Variants in ADPRHL1 observed in about 807,000 individuals in gnomAD.
ADPRHL1 encodes ADP-ribosylhydrolase like 1.
In ADPRHL1, 43 loss-of-function variants were observed where a neutral mutation model predicts 44.1. The observed-to-expected ratio is 0.98, with a 90% CI of 0.76 to 1.26. The LOEUF is 1.26. Ranked by LOEUF, ADPRHL1 falls within the 50% of genes most tolerant of loss-of-function variation. ADPRHL1 has a pLI of 0.00. For synonymous variants in ADPRHL1, 878 were observed against 1,017.4 expected, an observed-to-expected ratio of 0.86 and a Z score of 2.61; for missense variants, 2,022 against 2,496.9, an observed-to-expected ratio of 0.81 and a Z score of 4.05.
chr13:113,444,121 C>T (rs1399334428), intron 2 of ADPRHL1, among the ~76,000 whole-genome samples: 4 of 152,040 alleles, frequency 2.6e-5, no homozygotes, highest in South Asian at 2.1e-4. Context: ...GGCCCCTGCC[C>T]GTATTCCTTA....
chr13:113,445,865 A>G (rs988028053), intron 1 of ADPRHL1, among the ~76,000 whole-genome samples: 3 of 151,128 alleles, frequency 2.0e-5, no homozygotes, highest in African/African-American at 7.3e-5. Flanking sequence ...CAGGGCCCCC[A>G]TGGCTGCAAA....
chr13:113,415,280 G>A (rs1479383903), intron 7 of ADPRHL1, among the ~76,000 whole-genome samples: 1 of 152,222 alleles, frequency 6.6e-6, no homozygotes, highest in South Asian at 2.1e-4. Context: ...GCCTGCCCGC[G>A]ATGTGGTCCC....
At chr13:113,425,233 G>A (rs1595545265) in intron 4 of ADPRHL1, 54 bp from the exon 5 acceptor site, 23 of 1,544,496 alleles carry the variant, frequency 1.5e-5, no homozygotes, top group Admixed American at 3.7e-5. Context: ...GGAGTGGGGC[G>A]GGTGCAGGGA....
chr13:113,411,402 A>G (rs1054499369), intron 7 of ADPRHL1, among the ~76,000 whole-genome samples: 1 of 152,088 alleles, frequency 6.6e-6, no homozygotes, highest in African/African-American at 2.4e-5. Flanking sequence ...CATAGGTTGG[A>G]CTAGCTGCAT....
Position 113,404,478 on chromosome 13 carries a change from C to T in ADPRHL1, c.4804G>A (p.Gly1602Arg), listed in dbSNP as rs1363108650. 1 of 1,309,202 alleles carries T rather than the reference C, an allele frequency of 7.6e-7. No homozygotes were observed. The highest frequency in any genetic ancestry group is 9.6e-7 in the Non-Finnish European group (1 of 1,036,616). 81.1% of individuals were successfully genotyped at this position (1,309,202 alleles called of 1,614,324 possible). ...IQGQAQKQVQ[G>R]EVQKWAQEEA... ...TCCTGGGCCCATTTCTGAACCTCTCCTTGAACCTGTTTCTGGGCCTGTCCC... is the reference window on the plus strand; with the variant it reads ...TCCTGGGCCCATTTCTGAACCTCTCTTTGAACCTGTTTCTGGGCCTGTCCC... Residue 1602 changes from glycine to arginine, a missense_variant, in exon 8 of 8, where the codon GGA becomes AGA. Physicochemically the swap from Gly to Arg is moderately radical, Grantham distance 125. Around this residue, in one of 8 missense-constraint regions of ADPRHL1, gnomAD observed 78 missense variants for 76.5 expected, o/e 1.02. Coordinates refer to ENST00000612156, the MANE Select transcript of ADPRHL1 (RefSeq NM_001394807.1).
At chr13:113,431,157 G>A (rs1339233772) in intron 3 of ADPRHL1, among the ~76,000 whole-genome samples, 1 of 152,174 alleles carries the variant, frequency 6.6e-6, no homozygotes, top group Non-Finnish European at 1.5e-5. Context: ...TCTGCGGTGG[G>A]TGCCGCGTGC....
At position 113,403,702 on chromosome 13, in the gene ADPRHL1, C is replaced by G. The variant is rs1030868631; in HGVS notation, c.5580G>C (p.Gly1860=). The G allele has an allele frequency of 5.7e-6, 7 of 1,231,910 alleles. No individual in the cohort carries two copies. Among genetic ancestry groups the G allele is most frequent in the Admixed American group, 4.2e-5 (1 of 23,690 alleles). The allele number at this position is 1,231,910 out of a possible 1,614,324, so 76.3% of individuals were successfully genotyped here. Residue 1860 remains glycine, a synonymous_variant, in exon 8 of 8, where the codon GGG becomes GGC. Coordinates refer to ENST00000612156, the MANE Select transcript of ADPRHL1 (RefSeq NM_001394807.1). The part of the protein sequence containing the change: ...GGSGLGEPSA[G]YPPPGSRPLR... ...GGGGGCGGCTTCCTGGGGGTGGGTACCCGGCGCTGGGCTCCCCCAGGCCAC... is the reference window on the plus strand; with the variant it reads ...GGGGGCGGCTTCCTGGGGGTGGGTAGCCGGCGCTGGGCTCCCCCAGGCCAC...
At chr13:113,431,109 C>A (rs1244934610) in intron 3 of ADPRHL1, among the ~76,000 whole-genome samples, 1 of 152,136 alleles carries the variant, frequency 6.6e-6, no homozygotes, top group Non-Finnish European at 1.5e-5. Context: ...AGGAGAGGGG[C>A]GAGCCTGCTG....
chr13:113,420,534 T>G (rs2043910376), intron 7 of ADPRHL1, among the ~76,000 whole-genome samples: 2 of 152,100 alleles, frequency 1.3e-5, no homozygotes, highest in South Asian at 4.1e-4. Context: ...CGACTTACCT[T>G]AATTGGGTTT....
chr13:113,418,761 G>A (rs966812566), intron 7 of ADPRHL1, among the ~76,000 whole-genome samples: 10 of 152,104 alleles, frequency 6.6e-5, no homozygotes, highest in African/African-American at 2.4e-4. Flanking sequence ...TTCAGGCTGA[G>A]AATGGGCATA....
chr13:113,426,959 C>T (rs145042885), intron 4 of ADPRHL1, among the ~76,000 whole-genome samples: 2 of 152,300 alleles, frequency 1.3e-5, no homozygotes, highest in East Asian at 1.9e-4. Flanking sequence ...CGGGACTTAA[C>T]GATCTCTGGA....
Position 113,421,037 on chromosome 13 carries a change from C to A in ADPRHL1, c.1061+1789G>T, listed in dbSNP as rs1335085817. 1.5e-4 allele frequency among the ~76,000 whole-genome samples: 19 copies of A among 123,442 alleles called. 1 individual carries two copies. The highest frequency in any genetic ancestry group is 5.2e-5 in the Non-Finnish European group (3 of 57,720). 81.0% of individuals were successfully genotyped at this position (123,442 alleles called of 152,430 possible). A position where few individuals can be genotyped will look rare whatever the true frequency, so the allele number is the denominator to read the frequency against. ...CCCCTGGGACACCCCTACCCCCCGC[C>A]AACATGCCTACCCTGGGACATCCCT... is the stretch of plus-strand genomic sequence containing the variant. On this transcript the variant is annotated intron_variant, in intron 7 of 7. Transcript: ENST00000612156.
intron 4 of ADPRHL1, 55 bp downstream of exon 4, chr13:113,428,897 C>T: frequency 6.2e-7 from 1 of 1,605,086 alleles, no homozygotes; most frequent in Non-Finnish European, 8.5e-7. Flanking sequence ...CATGGAGGGG[C>T]TGGATCTGTC....
Position 113,406,237 on chromosome 13 carries a change from C to T in ADPRHL1, c.3045G>A (p.Arg1015=). ...NDPAASQNLL[R]GNTSHASSSQ... Reference sequence around the variant, plus strand: ...TGCTGGAGGCATGGCTGGTGTTTCCCCTCAGAAGGTTTTGTGAGGCTGCAG... The same window carrying T: ...TGCTGGAGGCATGGCTGGTGTTTCCTCTCAGAAGGTTTTGTGAGGCTGCAG... The change falls in exon 8 of 8, where the codon AGG becomes AGA. Residue 1015 remains arginine (R), a synonymous_variant. Coordinates refer to ENST00000612156, the MANE Select transcript of ADPRHL1 (RefSeq NM_001394807.1). The T allele has an allele frequency of 8.1e-7, 1 of 1,232,120 alleles. No individual in the cohort carries two copies. Among genetic ancestry groups the T allele is most frequent in the Non-Finnish European group, 1.0e-6 (1 of 987,980 alleles). The allele number at this position is 1,232,120 out of a possible 1,614,324, so 76.3% of individuals were successfully genotyped here. A position where few individuals can be genotyped will look rare whatever the true frequency, so the allele number is the denominator to read the frequency against.
rs371791782 is a variant in ADPRHL1 at position 113,444,403 on chromosome 13, G to A, written c.379+22C>T. The A allele has an allele frequency of 2.2e-4, 359 of 1,610,420 alleles. 1 individual carries two copies. The highest frequency in any genetic ancestry group is 1.6e-4 in the Non-Finnish European group (184 of 1,177,274). On this transcript the variant is annotated intron_variant, in intron 2 of 7. Transcript: ENST00000612156. ...GTCCCCAGCAGGGTGGCTTTAGGGGGAGAGGAGAGGATTTCCCTGACCTTT... is the reference window on the plus strand; with the variant it reads ...GTCCCCAGCAGGGTGGCTTTAGGGGAAGAGGAGAGGATTTCCCTGACCTTT...
At chr13:113,448,865 T>TGGGA in intron 1 of ADPRHL1, 1 of 846,886 alleles carries the variant, frequency 1.2e-6, no homozygotes, top group African/African-American at 1.8e-5. Flanking sequence ...AGGAAGGCCC[T>TGGGA]GGGAGGGAAG....
Position 113,406,362 on chromosome 13 carries a change from T to C in ADPRHL1, c.2920A>G (p.Ile974Val). The C allele has an allele frequency of 8.1e-7, 1 of 1,232,056 alleles. No individual in the cohort carries two copies. The highest frequency in any genetic ancestry group is 4.1e-5 in the South Asian group (1 of 24,310). 76.3% of individuals were successfully genotyped at this position (1,232,056 alleles called of 1,614,324 possible). Residue 974 changes from isoleucine (I) to valine (V), a missense_variant, in exon 8 of 8, where the codon ATT becomes GTT. Ile to Val is a conservative substitution (Grantham distance 29). This residue lies in a region of ADPRHL1 where 1,221 missense variants were observed against 1,517.8 expected (regional missense o/e 0.80). Coordinates refer to ENST00000612156, the MANE Select transcript of ADPRHL1 (RefSeq NM_001394807.1). ...NSHGPRNPDDISGERTSELRD... is the reference protein window; with the variant it reads ...NSHGPRNPDDVSGERTSELRD... ...AGCTCAGAGGTCCTCTCTCCTGAAA[T>C]ATCGTCAGGATTCCTGGGACCGTGT...
intron 2 of ADPRHL1, among the ~76,000 whole-genome samples, chr13:113,440,979 C>T (rs1471619346): frequency 6.6e-6 from 1 of 152,058 alleles, no homozygotes; most frequent in East Asian, 1.9e-4. Flanking sequence ...ATGGCAAAAC[C>T]TTGTCACTAC....
intron 2 of ADPRHL1, 122 bp from the exon 3 acceptor site, chr13:113,433,989 T>A: frequency 7.3e-7 from 1 of 1,371,992 alleles, no homozygotes; most frequent in Non-Finnish European, 9.5e-7. Flanking sequence ...TATCAGAGTG[T>A]GGTTTAAATG....
Sources: allele counts gnomAD v4.1 joint callset (sites outside exome capture counted in the v4.1 genomes callset), GRCh38; gene constraint gnomAD v4.1.1; regional missense constraint gnomAD v4.1.1; transcripts MANE v1.5; gene names NCBI Gene and HGNC (gene_info 2026-07-23, HGNC 2026-07-21).